The following EFCAB6 variants were observed in gnomAD, a reference collection of about 807,000 sequenced individuals.
EFCAB6 encodes the protein EF-hand calcium-binding domain-containing protein 6.
EFCAB6 carries 156 observed loss-of-function variants against 169.8 expected under a neutral mutation model. The ratio of observed to expected loss-of-function variants is 0.92; its 90% CI spans 0.81 to 1.05. The LOEUF (loss-of-function observed/expected upper bound fraction) is 1.05. Among genes scored for constraint, EFCAB6 ranks in the 50% least tolerant of loss-of-function variants. The pLI is 0.00. For missense variants in EFCAB6, 1,800 were observed against 1,829.1 expected (o/e 0.98, Z 0.29); for synonymous variants, 698 against 676.4 (o/e 1.03, Z -0.50).
At chr22:43,555,177 T>C (rs970903667) in intron 26 of EFCAB6, 81 bp from the exon 27 acceptor site, 133 of 1,453,088 alleles carry the variant, frequency 9.2e-5, no homozygotes, top group Non-Finnish European at 1.1e-4. Context: ...CCAGGGCAAG[T>C]TGCAGGGAGA....
intron 6 of EFCAB6, among the ~76,000 whole-genome samples, chr22:43,741,467 C>T (rs1326698426): frequency 1.3e-5 from 2 of 152,188 alleles, no homozygotes; most frequent in Non-Finnish European, 2.9e-5. Context: ...CACTCGCTTA[C>T]TTGAAAGCGC....
chr22:43,682,992 C>T (rs137792), intron 12 of EFCAB6, among the ~76,000 whole-genome samples: 34,501 of 151,900 alleles, frequency 0.23, 4,062 homozygotes, highest in Middle Eastern at 0.27. Flanking sequence ...CTGGCTTCTC[C>T]CTGGGGCACC....
chr22:43,720,327 C>T (rs982878587), intron 8 of EFCAB6, among the ~76,000 whole-genome samples: 2 of 144,968 alleles, frequency 1.4e-5, no homozygotes, highest in African/African-American at 5.2e-5. Flanking sequence ...GGCAACAAAG[C>T]AGAACCTGTC....
intron 12 of EFCAB6, among the ~76,000 whole-genome samples, chr22:43,680,278 C>T (rs951005334): frequency 6.6e-6 from 1 of 152,124 alleles, no homozygotes; most frequent in African/African-American, 2.4e-5. Context: ...TATTTTTGAA[C>T]TCTCAACTCT....
chr22:43,701,574 T>C (rs999713161), intron 10 of EFCAB6, among the ~76,000 whole-genome samples: 2 of 151,974 alleles, frequency 1.3e-5, no homozygotes, highest in South Asian at 2.1e-4. Flanking sequence ...TTGATAAGAA[T>C]TTAATATATG....
At chr22:43,541,321 C>T (rs1469114860) in intron 27 of EFCAB6, among the ~76,000 whole-genome samples, 3 of 152,150 alleles carry the variant, frequency 2.0e-5, no homozygotes, top group South Asian at 2.1e-4. Context: ...GTACGGAAGT[C>T]GGGGTTGGGG....
intron 27 of EFCAB6, among the ~76,000 whole-genome samples, chr22:43,543,502 AG>A (rs2047868179): frequency 6.6e-6 from 1 of 152,192 alleles, no homozygotes; most frequent in Admixed American, 6.5e-5. Context: ...CCTCTAGGAC[AG>A]GGGTAAGAAC....
At chr22:43,800,544 T>C (rs1456617515) in intron 2 of EFCAB6, among the ~76,000 whole-genome samples, 5 of 152,172 alleles carry the variant, frequency 3.3e-5, no homozygotes, top group African/African-American at 4.8e-5. Flanking sequence ...GAATTCAAAA[T>C]AGCAATTTTA....
intron 10 of EFCAB6, among the ~76,000 whole-genome samples, chr22:43,710,793 C>A (rs776241035): frequency 3.3e-5 from 5 of 152,116 alleles, no homozygotes; most frequent in Non-Finnish European, 4.4e-5. Flanking sequence ...CCCCCCACTC[C>A]CCACAAAATG....
chr22:43,528,866 G>T lies in EFCAB6; in HGVS notation c.4493C>A (p.Ala1498Glu). The T allele has an allele frequency of 6.2e-7, 1 of 1,610,400 alleles. No homozygotes were observed. The highest frequency in any genetic ancestry group is 1.1e-5 in the South Asian group (1 of 90,834). Residue 1498 changes from alanine (A) to glutamate (E), a missense_variant, in exon 32 of 32, where the codon GCA (alanine) becomes GAA (glutamate). Ala to Glu is a moderately radical substitution (Grantham distance 107, BLOSUM62 -1). Coordinates refer to ENST00000262726, the MANE Select transcript of EFCAB6 (RefSeq NM_022785.4). ...SKISYNDFLRAFLQ is the reference protein window; with the variant it reads ...SKISYNDFLREFLQ ...CAGCAGGGGTGTCTACTGGAGGAATGCCCGGAGGAAGTCGTTGTAGGAGAT... is the reference window on the plus strand; with the variant it reads ...CAGCAGGGGTGTCTACTGGAGGAATTCCCGGAGGAAGTCGTTGTAGGAGAT...
At chr22:43,564,831 T>G (rs1000569153) in intron 26 of EFCAB6, among the ~76,000 whole-genome samples, 1 of 152,220 alleles carries the variant, frequency 6.6e-6, no homozygotes, top group Non-Finnish European at 1.5e-5. Context: ...CACCAAATTG[T>G]ATCCTGAACG....
At chr22:43,712,221 T>C (rs554186892) in intron 9 of EFCAB6, among the ~76,000 whole-genome samples, 227 of 152,332 alleles carry the variant, frequency 1.5e-3, no homozygotes, top group Non-Finnish European at 2.9e-3. Context: ...GATTTTTATA[T>C]GACTCATAAA....
intron 17 of EFCAB6, among the ~76,000 whole-genome samples, chr22:43,664,959 G>A (rs1306650866): frequency 6.6e-6 from 1 of 152,172 alleles, no homozygotes; most frequent in Non-Finnish European, 1.5e-5. Context: ...GCTGGGGGGA[G>A]CAGTGGAGTG....
intron 10 of EFCAB6, among the ~76,000 whole-genome samples, chr22:43,707,656 A>G (rs546735435): frequency 6.6e-6 from 1 of 152,326 alleles, no homozygotes; most frequent in Non-Finnish European, 1.5e-5. Flanking sequence ...TCCCTGCTAC[A>G]TTTTCATTAA....
chr22:43,712,442 A>G (rs1851979928), intron 9 of EFCAB6, among the ~76,000 whole-genome samples: 1 of 152,218 alleles, frequency 6.6e-6, no homozygotes, highest in African/African-American at 2.4e-5. Context: ...TATATGTATA[A>G]GAAACTCGAT....
At chr22:43,698,283 A>G (rs946293690) in intron 10 of EFCAB6, among the ~76,000 whole-genome samples, 6 of 152,188 alleles carry the variant, frequency 3.9e-5, no homozygotes, top group African/African-American at 1.4e-4. Context: ...CAGCTGGTAA[A>G]GATTACACTG....
intron 2 of EFCAB6, among the ~76,000 whole-genome samples, chr22:43,803,144 A>G (rs2062790547): frequency 6.6e-6 from 1 of 152,138 alleles, no homozygotes; most frequent in African/African-American, 2.4e-5. Context: ...AAACCGAGAT[A>G]CCTGTTGGGA....
chr22:43,778,281 C>T (rs2148012613), intron 3 of EFCAB6, among the ~76,000 whole-genome samples: 1 of 152,328 alleles, frequency 6.6e-6, no homozygotes, highest in Admixed American at 6.5e-5. Context: ...CCTCTTGGGC[C>T]TTCCCCCAGT....
chr22:43,638,195 A>C (rs975653191), intron 17 of EFCAB6, among the ~76,000 whole-genome samples: 1 of 152,224 alleles, frequency 6.6e-6, no homozygotes. Flanking sequence ...CACCACTTTC[A>C]TTTCTAAGAT....
Sources: allele counts gnomAD v4.1 joint callset (sites outside exome capture counted in the v4.1 genomes callset), GRCh38; gene constraint gnomAD v4.1.1; transcripts MANE v1.5; gene names NCBI Gene and HGNC (gene_info 2026-07-23, HGNC 2026-07-21).